The following AGBL4 variants were observed in gnomAD, a reference collection of about 807,000 sequenced individuals.
The protein encoded by AGBL4 is cytosolic carboxypeptidase 6.
AGBL4 carries 58 observed loss-of-function variants against 66.4 expected under a neutral mutation model. That is an observed-to-expected ratio of 0.87 (90% CI 0.71 to 1.09). AGBL4 has a LOEUF of 1.09. AGBL4 is among the 50% of genes least tolerant of loss of function. The probability of loss-of-function intolerance (pLI) is 0.00; values close to 1 mark genes in which losing one functional copy is unlikely to be tolerated. For missense variants in AGBL4, 579 were observed against 631.0 expected, an observed-to-expected ratio of 0.92 and a Z score of 0.88; for synonymous variants, 234 against 222.9, an observed-to-expected ratio of 1.05 and a Z score of -0.44.
In AGBL4 at chr1:48,534,247, C is replaced by G. The variant is rs1370083407; in HGVS notation, c.1438G>C (p.Ala480Pro). 2.6e-6 allele frequency: 4 copies of G among 1,551,492 alleles called. No homozygotes were observed. The East Asian group carries it at 9.8e-5, about 38-fold the overall frequency. Residue 480 changes from alanine to proline, a missense_variant, in exon 14 of 14, where the codon GCC becomes CCC. Transcript: ENST00000371839. Reference sequence around the variant, plus strand: ...CCTTTGCTGTTGGGGTAGTTGCTGGCTGGGCCCCGCAGGAGTGGGTGCTTG... The same window carrying G: ...CCTTTGCTGTTGGGGTAGTTGCTGGGTGGGCCCCGCAGGAGTGGGTGCTTG... ...PYKHPLLRGPASNYPNSKGDK... is the reference protein window; with the variant it reads ...PYKHPLLRGPPSNYPNSKGDK...
intron 3 of AGBL4, among the ~76,000 whole-genome samples, chr1:49,661,156 A>G (rs1646261990): frequency 6.6e-6 from 1 of 152,190 alleles, no homozygotes; most frequent in Admixed American, 6.6e-5. Context: ...ACCAAGAAAG[A>G]TATACCTATG....
chr1:49,937,382 A>G (rs1017808729), intron 1 of AGBL4, among the ~76,000 whole-genome samples: 2 of 151,954 alleles, frequency 1.3e-5, no homozygotes, highest in Non-Finnish European at 1.5e-5. Context: ...CTCCCACACA[A>G]TAATAATGGG....
chr1:49,735,534 AT>A (rs1396677070), intron 2 of AGBL4, among the ~76,000 whole-genome samples: 9 of 151,890 alleles, frequency 5.9e-5, no homozygotes, highest in Admixed American at 2.7e-4. Flanking sequence ...ATATCAAAAA[AT>A]ATAAGATAAA....
chr1:48,749,793 C>T (rs1247289747), intron 6 of AGBL4, among the ~76,000 whole-genome samples: 1 of 152,202 alleles, frequency 6.6e-6, no homozygotes, highest in African/African-American at 2.4e-5. Flanking sequence ...TCCTGCCCAA[C>T]TATCTGTGCC....
intron 5 of AGBL4, among the ~76,000 whole-genome samples, chr1:48,952,812 G>A (rs1181691969): frequency 6.6e-6 from 1 of 152,108 alleles, no homozygotes; most frequent in East Asian, 1.9e-4. Context: ...TTTGAATGGG[G>A]CCCAACACAA....
chr1:49,120,584 C>T (rs1645632451), intron 4 of AGBL4, among the ~76,000 whole-genome samples: 1 of 152,136 alleles, frequency 6.6e-6, no homozygotes, highest in Admixed American at 6.6e-5. Context: ...TGATGGGTTT[C>T]CCTTTGTGAG....
intron 6 of AGBL4, among the ~76,000 whole-genome samples, chr1:48,859,846 A>G (rs1647328323): frequency 6.6e-6 from 1 of 152,212 alleles, no homozygotes; most frequent in Non-Finnish European, 1.5e-5. Flanking sequence ...TTTATATAAG[A>G]ATGCTCACCG....
At chr1:49,948,404 TATAA>T (rs1655681678) in intron 1 of AGBL4, among the ~76,000 whole-genome samples, 1 of 107,730 alleles carries the variant, frequency 9.3e-6, no homozygotes, top group Non-Finnish European at 1.8e-5. Context: ...TATAAATATA[TATAA>T]ATATAGATAA....
chr1:49,204,121 A>C (rs1411381780), intron 4 of AGBL4, among the ~76,000 whole-genome samples: 1 of 152,140 alleles, frequency 6.6e-6, no homozygotes, highest in Non-Finnish European at 1.5e-5. Context: ...AAAGGGGCCA[A>C]GTAGGAGACA....
intron 4 of AGBL4, among the ~76,000 whole-genome samples, chr1:49,145,325 C>T (rs969940499): frequency 2.0e-5 from 3 of 152,108 alleles, no homozygotes; most frequent in African/African-American, 4.8e-5. Flanking sequence ...TGTATCCCAC[C>T]TCTATCATTT....
intron 2 of AGBL4, among the ~76,000 whole-genome samples, chr1:49,827,310 G>T (rs772331095): frequency 3.3e-5 from 5 of 151,900 alleles, no homozygotes; most frequent in African/African-American, 4.8e-5. Flanking sequence ...TGGAGTAAAA[G>T]GATTTAATAA....
intron 2 of AGBL4, among the ~76,000 whole-genome samples, chr1:49,802,788 C>T (rs1644893659): frequency 6.6e-6 from 1 of 152,160 alleles, no homozygotes; most frequent in Admixed American, 6.6e-5. Context: ...ATTTCTCAAC[C>T]TGCCTATCCA....
intron 4 of AGBL4, among the ~76,000 whole-genome samples, chr1:49,188,903 A>G (rs1647062859): frequency 6.6e-6 from 1 of 152,164 alleles, no homozygotes; most frequent in Non-Finnish European, 1.5e-5. Flanking sequence ...GAAAGAACAC[A>G]GTGGAAATAC....
intron 6 of AGBL4, among the ~76,000 whole-genome samples, chr1:48,683,474 C>T (rs991653647): frequency 2.6e-5 from 4 of 152,242 alleles, no homozygotes; most frequent in Admixed American, 6.5e-5. Flanking sequence ...TTCTAAATCA[C>T]AGTTGACCTC....
At chr1:49,259,840 T>C (rs1312412341) in intron 3 of AGBL4, among the ~76,000 whole-genome samples, 1 of 127,190 alleles carries the variant, frequency 7.9e-6, no homozygotes, top group East Asian at 2.3e-4. Flanking sequence ...CCACCCCAAA[T>C]CAACAGAATA....
At chr1:49,658,577 T>C (rs1052531365) in intron 3 of AGBL4, among the ~76,000 whole-genome samples, 7 of 152,188 alleles carry the variant, frequency 4.6e-5, no homozygotes, top group Non-Finnish European at 7.3e-5. Flanking sequence ...ATTGTGGCAC[T>C]ACTCACAATA....
chr1:49,795,501 G>A (rs1056903181), intron 2 of AGBL4, among the ~76,000 whole-genome samples: 1 of 151,966 alleles, frequency 6.6e-6, no homozygotes, highest in Non-Finnish European at 1.5e-5. Context: ...GTGTATTCCT[G>A]AGACACATCT....
chr1:49,478,796 G>A (rs537114477), intron 3 of AGBL4, among the ~76,000 whole-genome samples: 2 of 152,070 alleles, frequency 1.3e-5, no homozygotes, highest in South Asian at 2.1e-4. Context: ...AGACATAGAC[G>A]ATGCAATAAG....
intron 3 of AGBL4, among the ~76,000 whole-genome samples, chr1:49,374,982 ACC>A (rs1644442507): frequency 6.6e-6 from 1 of 152,008 alleles, no homozygotes; most frequent in Non-Finnish European, 1.5e-5. Context: ...CTATTGCTTT[ACC>A]TTTGACCAAC....
Sources: gnomAD v4.1 joint callset for allele counts (sites outside exome capture counted in the v4.1 genomes callset) on GRCh38, gnomAD v4.1.1 for gene constraint, MANE v1.5 for transcripts, NCBI Gene and HGNC (gene_info 2026-07-23, HGNC 2026-07-21) for gene names.